CORIN: variants seen among roughly 807,000 people sequenced by gnomAD.
The protein encoded by CORIN is atrial natriuretic peptide-converting enzyme.
CORIN carries 117 observed loss-of-function variants against 125.3 expected under a neutral mutation model. That is an observed-to-expected ratio of 0.93 (90% CI 0.80 to 1.09). CORIN has a LOEUF of 1.09. CORIN is among the 50% of genes least tolerant of loss of function. The pLI, the probability that CORIN is intolerant of heterozygous loss-of-function variation, is 0.00. For missense variants in CORIN, 1,253 were observed against 1,306.7 expected, an observed-to-expected ratio of 0.96 and a Z score of 0.63; for synonymous variants, 450 against 466.4, an observed-to-expected ratio of 0.96 and a Z score of 0.45.
At chr4:47,823,821 G>A (rs765127233) in intron 1 of CORIN, among the ~76,000 whole-genome samples, 11 of 152,292 alleles carry the variant, frequency 7.2e-5, no homozygotes, top group Non-Finnish European at 1.2e-4. Flanking sequence ...CCCAGACGCC[G>A]TGCTCATTCT....
chr4:47,723,820 C>T (rs1018888407), intron 5 of CORIN, among the ~76,000 whole-genome samples: 1 of 151,734 alleles, frequency 6.6e-6, no homozygotes, highest in African/African-American at 2.4e-5. Context: ...CACGGTGAAA[C>T]CCTGTCTCTA....
chr4:47,705,430 C>T (rs918342178), intron 5 of CORIN, among the ~76,000 whole-genome samples: 3 of 152,158 alleles, frequency 2.0e-5, no homozygotes, highest in Non-Finnish European at 4.4e-5. Context: ...AAGTGTAGAG[C>T]ATGAACTAAA....
intron 19 of CORIN, among the ~76,000 whole-genome samples, chr4:47,606,713 T>C (rs928213282): frequency 6.6e-6 from 1 of 151,946 alleles, no homozygotes; most frequent in Non-Finnish European, 1.5e-5. Context: ...ACTTCTTTCT[T>C]CCTTTCCTTT....
At chr4:47,813,975 C>G (rs754816701) in intron 1 of CORIN, among the ~76,000 whole-genome samples, 1 of 152,034 alleles carries the variant, frequency 6.6e-6, no homozygotes, top group Non-Finnish European at 1.5e-5. Context: ...AAAATTATGG[C>G]AGAATTCAAT....
intron 15 of CORIN, 38 bp downstream of exon 15, chr4:47,643,108 T>A: frequency 6.2e-7 from 1 of 1,613,862 alleles, no homozygotes; most frequent in South Asian, 1.1e-5. Flanking sequence ...CTGACAGGCA[T>A]GAGAGAGTAC....
intron 5 of CORIN, among the ~76,000 whole-genome samples, chr4:47,722,341 A>G (rs1353526761): frequency 6.6e-6 from 1 of 152,134 alleles, no homozygotes; most frequent in Non-Finnish European, 1.5e-5. Context: ...CCTCTTTTCT[A>G]TCATTGCCTA....
At chr4:47,766,038 G>A (rs559585956) in intron 3 of CORIN, among the ~76,000 whole-genome samples, 58 of 152,178 alleles carry the variant, frequency 3.8e-4, no homozygotes, top group African/African-American at 1.4e-3. Flanking sequence ...ATTTAAAGGG[G>A]GCTTTCTTTG....
intron 13 of CORIN, among the ~76,000 whole-genome samples, chr4:47,646,670 C>T (rs987228875): frequency 6.6e-6 from 1 of 152,188 alleles, no homozygotes; most frequent in African/African-American, 2.4e-5. Context: ...AGAACAATGG[C>T]TAGCATGTAG....
At chr4:47,823,426 A>T (rs1178165650) in intron 1 of CORIN, among the ~76,000 whole-genome samples, 3 of 152,142 alleles carry the variant, frequency 2.0e-5, no homozygotes, top group Non-Finnish European at 4.4e-5. Flanking sequence ...ACAAGATCTG[A>T]GGGCCCCTTG....
intron 5 of CORIN, among the ~76,000 whole-genome samples, chr4:47,743,889 A>G (rs991059380): frequency 4.0e-5 from 6 of 148,944 alleles, no homozygotes; most frequent in Non-Finnish European, 4.5e-5. Flanking sequence ...TGTCTCCAGA[A>G]AAAAAAAAAA....
chr4:47,751,271 C>T (rs915156134), intron 4 of CORIN, among the ~76,000 whole-genome samples: 8 of 152,118 alleles, frequency 5.3e-5, no homozygotes, highest in African/African-American at 1.2e-4. Flanking sequence ...ATTATTTTTT[C>T]GGGGAGTATA....
intron 2 of CORIN, among the ~76,000 whole-genome samples, chr4:47,792,057 C>T (rs766923502): frequency 5.3e-5 from 8 of 152,086 alleles, no homozygotes; most frequent in Admixed American, 3.3e-4. Context: ...TGTTTAGAGA[C>T]GAGTATCCTA....
At chr4:47,745,212 T>G (rs1025954200) in intron 4 of CORIN, among the ~76,000 whole-genome samples, 1 of 152,196 alleles carries the variant, frequency 6.6e-6, no homozygotes, top group African/African-American at 2.4e-5. Flanking sequence ...GAGCTTATCT[T>G]TATTCACTTA....
intron 7 of CORIN, chr4:47,683,384 G>A (rs74541590): frequency 0.014 from 2,657 of 196,174 alleles, 41 homozygotes; most frequent in Middle Eastern, 0.02. Context: ...TGCCCTCAAA[G>A]TTTGCTCAAA....
intron 5 of CORIN, among the ~76,000 whole-genome samples, chr4:47,721,668 T>C (rs550300665): frequency 6.6e-6 from 1 of 152,310 alleles, no homozygotes; most frequent in Admixed American, 6.5e-5. Context: ...GGGTGGGGGA[T>C]GCAAACACGC....
intron 16 of CORIN, among the ~76,000 whole-genome samples, chr4:47,637,599 G>A (rs1723076481): frequency 6.6e-6 from 1 of 152,216 alleles, no homozygotes; most frequent in African/African-American, 2.4e-5. Context: ...TGCTTCAGAG[G>A]GTGGAAGCCC....
intron 1 of CORIN, among the ~76,000 whole-genome samples, chr4:47,816,852 A>ACACG (rs1326188088): frequency 5.9e-5 from 9 of 152,074 alleles, no homozygotes; most frequent in African/African-American, 2.2e-4. Flanking sequence ...ACGTGCACAC[A>ACACG]CACACACACA....
intron 6 of CORIN, among the ~76,000 whole-genome samples, chr4:47,685,268 C>G (rs1343560932): frequency 6.6e-6 from 1 of 152,150 alleles, no homozygotes; most frequent in Admixed American, 6.6e-5. Context: ...AAAAATCCAA[C>G]TACTCACTAA....
chr4:47,680,438 C>G, intron 7 of CORIN, 187 bp from the exon 8 acceptor site: 1 of 540,996 alleles, frequency 1.8e-6, no homozygotes, highest in South Asian at 2.2e-5. Flanking sequence ...CACTGACCAC[C>G]ATCACTGTGG....
Sources: gnomAD v4.1 joint callset for allele counts (sites outside exome capture counted in the v4.1 genomes callset) on GRCh38, gnomAD v4.1.1 for gene constraint, MANE v1.5 for transcripts, NCBI Gene and HGNC (gene_info 2026-07-23, HGNC 2026-07-21) for gene names.